BIRC2: variants seen among roughly 807,000 people sequenced by gnomAD.
BIRC2 encodes the protein baculoviral IAP repeat containing 2, also known as baculoviral IAP repeat-containing protein 2.
A neutral mutation model predicts 60.9 loss-of-function variants in BIRC2; 18 were observed. The ratio of observed to expected loss-of-function variants is 0.30; its 90% CI spans 0.20 to 0.44. The LOEUF (loss-of-function observed/expected upper bound fraction) is 0.44, where lower values mean the gene tolerates loss of function less well. Among genes scored for constraint, BIRC2 ranks in the 20% least tolerant of loss-of-function variants. BIRC2 has a pLI of 1.00. For synonymous variants in BIRC2, 282 were observed against 247.7 expected (o/e 1.14, Z -1.30); for missense variants, 701 against 728.5 (o/e 0.96, Z 0.43).
At chr11:102,364,180 C>CAT (rs1565335654) in intron 5 of BIRC2, among the ~76,000 whole-genome samples, 6 of 73,984 alleles carry the variant, frequency 8.1e-5, no homozygotes, top group African/African-American at 4.7e-4. Context: ...TATATACACA[C>CAT]ACACACAGAG....
intron 6 of BIRC2, among the ~76,000 whole-genome samples, chr11:102,375,407 C>T (rs1951698658): frequency 6.6e-6 from 1 of 152,186 alleles, no homozygotes; most frequent in Non-Finnish European, 1.5e-5. Flanking sequence ...ACAGGAATAA[C>T]TTAAGAGTAC....
chr11:102,374,820 C>T (rs62241354), intron 6 of BIRC2, among the ~76,000 whole-genome samples: 258 of 152,354 alleles, frequency 1.7e-3, no homozygotes, highest in African/African-American at 5.4e-3. Flanking sequence ...ATCAGCGAGA[C>T]TCCGTGGGCG....
intron 6 of BIRC2, among the ~76,000 whole-genome samples, chr11:102,376,827 A>G (rs1244744114): frequency 6.6e-6 from 1 of 152,166 alleles, no homozygotes; most frequent in African/African-American, 2.4e-5. Flanking sequence ...TGAGGAAGGT[A>G]CCGTTATGTA....
intron 5 of BIRC2, among the ~76,000 whole-genome samples, chr11:102,365,814 A>G (rs1377682157): frequency 1.3e-5 from 2 of 151,736 alleles, no homozygotes; most frequent in African/African-American, 2.4e-5. Context: ...GCTGGTCTCA[A>G]ACTCTTGAGC....
At chr11:102,363,750 A>C (rs753273861) in intron 5 of BIRC2, 34 bp downstream of exon 5, 11 of 1,561,322 alleles carry the variant, frequency 7.0e-6, no homozygotes, top group Non-Finnish European at 9.7e-6. Flanking sequence ...ATAGAGTGTA[A>C]ATTTTTATAA....
rs1464191608 is a variant in BIRC2, at chr11:102,350,230, A to C, written c.376A>C (p.Lys126Gln). ...LVSASLGSTSKNTSPMRNSFA... is the reference protein window; with the variant it reads ...LVSASLGSTSQNTSPMRNSFA... ...TTCAGCTAGTCTGGGATCCACCTCT[A>C]AGAATACGTCTCCAATGAGAAACAG... The change falls in exon 2 of 9, where the codon AAG becomes CAG. Residue 126 changes from lysine to glutamine, a missense_variant. Lys to Gln is a moderately conservative substitution (Grantham distance 53, BLOSUM62 1). Transcript: ENST00000227758. 2.5e-6 allele frequency: 4 copies of C among 1,614,118 alleles called. No homozygotes were observed. In the African/African-American group the frequency reaches 4.0e-5, roughly 16 times the overall value.
chr11:102,366,747 C>T (rs1951557302), intron 5 of BIRC2, among the ~76,000 whole-genome samples: 1 of 152,082 alleles, frequency 6.6e-6, no homozygotes, highest in Admixed American at 6.6e-5. Context: ...TCTGGTTTAC[C>T]CCATTAAAGT....
At chr11:102,365,772 T>TGTG (rs1565336199) in intron 5 of BIRC2, among the ~76,000 whole-genome samples, 34 of 137,814 alleles carry the variant, frequency 2.5e-4, no homozygotes, top group African/African-American at 9.5e-4. Flanking sequence ...GTGTGTGTGT[T>TGTG]TGTAGATACA....
At chr11:102,356,952 G>C (rs1951430255) in intron 3 of BIRC2, among the ~76,000 whole-genome samples, 1 of 152,162 alleles carries the variant, frequency 6.6e-6, no homozygotes, top group African/African-American at 2.4e-5. Context: ...TTACAGGCGT[G>C]AGCCACTGCA....
At chr11:102,376,287 G>T (rs1416698424) in intron 6 of BIRC2, among the ~76,000 whole-genome samples, 3 of 152,178 alleles carry the variant, frequency 2.0e-5, no homozygotes, top group Non-Finnish European at 4.4e-5. Context: ...TTGAAGCAAA[G>T]CCAGGAGATA....
In BIRC2 at chr11:102,378,453, A is replaced by G. The variant is rs1439963476; in HGVS notation, c.*270A>G. On this transcript the variant is annotated 3_prime_UTR_variant, in exon 9 of 9. Transcript: ENST00000227758. Reference sequence around the variant, plus strand: ...GGAGTAGTGTCACTGCTTGTTATGCATCATTTCAGGAGTTACTGGATTTGT... The same window carrying G: ...GGAGTAGTGTCACTGCTTGTTATGCGTCATTTCAGGAGTTACTGGATTTGT... 3 of 244,786 alleles carry G rather than the reference A, an allele frequency of 1.2e-5. No homozygotes were observed. Among genetic ancestry groups the G allele is most frequent in the African/African-American group, 2.2e-5 (1 of 44,816 alleles). The allele number at this position is 244,786 out of a possible 1,614,324, so 15.2% of individuals were successfully genotyped here. A position where few individuals can be genotyped will look rare whatever the true frequency, so the allele number is the denominator to read the frequency against.
chr11:102,355,812 TTG>T (rs1951413434), intron 3 of BIRC2, among the ~76,000 whole-genome samples: 1 of 152,206 alleles, frequency 6.6e-6, no homozygotes, highest in South Asian at 2.1e-4. Flanking sequence ...ATGTTTTTCA[TTG>T]TGTTTCTCTT....
chr11:102,350,612 C>G lies in BIRC2; in HGVS notation c.758C>G (p.Ser253Cys), dbSNP rs781404080. The stretch of plus-strand genomic sequence containing the variant: ...CCCAACTGTCCATTTTTGGAAAATT[C>G]TCTAGAAACTCTGAGGTTTAGCATT... Reference protein sequence around the residue: ...HFPNCPFLENSLETLRFSISN... With the variant: ...HFPNCPFLENCLETLRFSISN... Residue 253 changes from serine (S) to cysteine (C), a missense_variant, in exon 2 of 9, where the codon TCT becomes TGT. Physicochemically the swap from Ser to Cys is moderately radical, Grantham distance 112 (BLOSUM62 -1). Around this residue, in one of 4 missense-constraint regions of BIRC2, gnomAD observed 375 missense variants for 365.9 expected, o/e 1.02. Transcript: ENST00000227758. 2.5e-6 allele frequency: 4 copies of G among 1,613,980 alleles called. No homozygotes were observed. Among genetic ancestry groups the G allele is most frequent in the African/African-American group, 1.3e-5 (1 of 74,900 alleles).
rs1324648617 is a variant in BIRC2, at chr11:102,378,494, C to G, written c.*311C>G. ...CTGGATTTGTTGTTCTTTCAGAAAG[C>G]TTTGAATACTAAATTATAGTGTAGA... On this transcript the variant is annotated 3_prime_UTR_variant, in exon 9 of 9. Coordinates refer to ENST00000227758, the MANE Select transcript of BIRC2 (RefSeq NM_001166.5). 2 of 184,396 alleles carry G rather than the reference C, an allele frequency of 1.1e-5. No homozygotes were observed. The highest frequency in any genetic ancestry group is 4.7e-5 in the African/African-American group (2 of 42,696). 11.4% of individuals were successfully genotyped at this position (184,396 alleles called of 1,614,324 possible).
chr11:102,352,143 T>C (rs1047997545), intron 3 of BIRC2, among the ~76,000 whole-genome samples: 1 of 151,182 alleles, frequency 6.6e-6, no homozygotes, highest in Non-Finnish European at 1.5e-5. Flanking sequence ...AGACGGAGTC[T>C]CACTCTGTCA....
intron 6 of BIRC2, among the ~76,000 whole-genome samples, chr11:102,375,954 A>G (rs1951708120): frequency 6.7e-6 from 1 of 148,178 alleles, no homozygotes; most frequent in Non-Finnish European, 1.5e-5. Context: ...AGCTCCTAGC[A>G]CGTCAATTTT....
At chr11:102,358,625 T>A (rs1232000662) in intron 3 of BIRC2, among the ~76,000 whole-genome samples, 1 of 152,196 alleles carries the variant, frequency 6.6e-6, no homozygotes, top group African/African-American at 2.4e-5. Context: ...CTGTTAATAT[T>A]TTCTCTGTTT....
intron 3 of BIRC2, among the ~76,000 whole-genome samples, chr11:102,356,079 C>T (rs960380311): frequency 6.6e-6 from 1 of 151,938 alleles, no homozygotes; most frequent in South Asian, 2.1e-4. Flanking sequence ...GATTTGGATG[C>T]CTTTTTCTTT....
chr11:102,363,318 G>A (rs1244771925), intron 4 of BIRC2, among the ~76,000 whole-genome samples: 2 of 152,158 alleles, frequency 1.3e-5, no homozygotes, highest in Non-Finnish European at 2.9e-5. Context: ...AGGATCTTTA[G>A]TGTCTCTTTG....
Sources: gnomAD v4.1 joint callset for allele counts (sites outside exome capture counted in the v4.1 genomes callset) on GRCh38, gnomAD v4.1.1 for gene constraint, gnomAD v4.1.1 regional missense constraint, MANE v1.5 for transcripts, NCBI Gene and HGNC (gene_info 2026-07-23, HGNC 2026-07-21) for gene names.